SH3D19: variants seen among roughly 807,000 people sequenced by gnomAD.
SH3D19 encodes the protein SH3 domain-containing protein 19.
A neutral mutation model predicts 112.1 loss-of-function variants in SH3D19; 58 were observed. The observed-to-expected ratio is 0.52, with a 90% confidence interval of 0.42 to 0.64. SH3D19 has a LOEUF of 0.64. SH3D19 is among the 30% of genes least tolerant of loss of function. The probability of loss-of-function intolerance (pLI) is 0.00; values close to 1 mark genes in which losing one functional copy is unlikely to be tolerated. For synonymous variants in SH3D19, 391 were observed against 448.5 expected, an observed-to-expected ratio of 0.87 and a Z score of 1.62; for missense variants, 1,090 against 1,263.4, an observed-to-expected ratio of 0.86 and a Z score of 2.08.
chr4:151,161,644 T>TA (rs1554040948), intron 8 of SH3D19, among the ~76,000 whole-genome samples: 5,612 of 148,508 alleles, frequency 0.038, 129 homozygotes, highest in South Asian at 0.048. Flanking sequence ...ATATATATTT[T>TA]AATTATACTT....
chr4:151,127,793 C>T (rs967565848), intron 18 of SH3D19, 78 bp from the exon 19 acceptor site: 49 of 754,232 alleles, frequency 6.5e-5, no homozygotes, highest in Admixed American at 1.9e-4. Context: ...TAAAAAAAAA[C>T]GCTTATCGCT....
chr4:151,161,974 T>C (rs1035150333), intron 8 of SH3D19, among the ~76,000 whole-genome samples: 83 of 152,074 alleles, frequency 5.5e-4, no homozygotes, highest in African/African-American at 2.0e-3. Flanking sequence ...TGTATTCATT[T>C]TTTAAAAGAA....
At chr4:151,150,243 A>C in intron 9 of SH3D19, among the ~76,000 whole-genome samples, 1 of 51,902 alleles carries the variant, frequency 1.9e-5, no homozygotes, top group Non-Finnish European at 9.6e-5. Flanking sequence ...ACACACATAT[A>C]TATATATACA....
intron 1 of SH3D19, among the ~76,000 whole-genome samples, chr4:151,238,864 C>A (rs1770341418): frequency 6.6e-6 from 1 of 152,156 alleles, no homozygotes; most frequent in Non-Finnish European, 1.5e-5. Flanking sequence ...AACACAACGT[C>A]TGTTGCAAAT....
intron 9 of SH3D19, among the ~76,000 whole-genome samples, chr4:151,154,832 A>G (rs1220384987): frequency 6.6e-6 from 1 of 152,090 alleles, no homozygotes; most frequent in Non-Finnish European, 1.5e-5. Flanking sequence ...ATCTTGGCTC[A>G]CTGCAACCTC....
chr4:151,128,216 C>T lies in SH3D19; in HGVS notation c.2883G>A (p.Gln961=). 1.2e-6 allele frequency: 2 copies of T among 1,613,546 alleles called. No individual in the cohort carries two copies. Among genetic ancestry groups the T allele is most frequent in the Non-Finnish European group, 1.7e-6 (2 of 1,179,772 alleles). ...CTGCTGGGAAGATCCCCTCCCTGTC[C>T]TGCAGTCTGCCCCTGCACCAGTCAG... ...LDSDWCRGRL[Q]DREGIFPAVF... is the part of the protein sequence containing the mutation. The change falls in exon 18 of 20, where the codon CAG becomes CAA. Residue 961 remains glutamine, a synonymous_variant. Transcript: ENST00000604030.
intron 14 of SH3D19, among the ~76,000 whole-genome samples, chr4:151,135,653 T>C (rs1038740625): frequency 3.3e-5 from 5 of 152,152 alleles, no homozygotes; most frequent in African/African-American, 1.2e-4. Flanking sequence ...GGTCTTGAAC[T>C]CTTGGACTCA....
At chr4:151,309,826 C>T (rs1673791129) in intron 1 of SH3D19, among the ~76,000 whole-genome samples, 2 of 151,666 alleles carry the variant, frequency 1.3e-5, no homozygotes, top group Admixed American at 6.6e-5. Context: ...CCAGTCTCTA[C>T]AAAAAATTTA....
intron 2 of SH3D19, among the ~76,000 whole-genome samples, chr4:151,221,555 T>C (rs1292390427): frequency 2.0e-5 from 3 of 152,192 alleles, no homozygotes; most frequent in Admixed American, 1.3e-4. Context: ...GATCCAATAA[T>C]AGTCGTGGGC....
chr4:151,202,700 GACTT>G (rs1387173920), intron 2 of SH3D19, among the ~76,000 whole-genome samples: 1 of 152,190 alleles, frequency 6.6e-6, no homozygotes, highest in East Asian at 1.9e-4. Context: ...CAGACAGACA[GACTT>G]CTTTTTAACA....
chr4:151,250,611 C>T (rs1458823868), intron 1 of SH3D19, among the ~76,000 whole-genome samples: 1 of 152,146 alleles, frequency 6.6e-6, no homozygotes, highest in Non-Finnish European at 1.5e-5. Context: ...TTACCTTATA[C>T]ATTTCTCTGG....
intron 1 of SH3D19, among the ~76,000 whole-genome samples, chr4:151,317,014 C>T (rs1215294094): frequency 6.6e-6 from 1 of 152,214 alleles, no homozygotes; most frequent in East Asian, 1.9e-4. Flanking sequence ...CCCATGTCTT[C>T]CACTGATGAA....
chr4:151,180,830 C>G (rs1222827558), intron 3 of SH3D19, among the ~76,000 whole-genome samples: 1 of 151,620 alleles, frequency 6.6e-6, no homozygotes, highest in Non-Finnish European at 1.5e-5. Flanking sequence ...GTGGCGCCAT[C>G]TCGGCTCACT....
At chr4:151,295,344 G>A (rs1215718529) in intron 1 of SH3D19, among the ~76,000 whole-genome samples, 1 of 152,176 alleles carries the variant, frequency 6.6e-6, no homozygotes, top group Non-Finnish European at 1.5e-5. Flanking sequence ...AGACACCAAG[G>A]CACTGAAGTA....
rs767195509 is a variant in SH3D19, at chr4:151,127,635, C to T, written c.3010G>A (p.Asp1004Asn). The T allele has an allele frequency of 6.2e-7, 1 of 1,600,866 alleles. No homozygotes were observed. Among genetic ancestry groups the T allele is most frequent in the Non-Finnish European group, 8.5e-7 (1 of 1,175,178 alleles). Reference sequence around the variant, plus strand: ...ATTCTGACCTTGAAGGAAAGTTCATCTTCATTCTCCCCTCGGAAATCATAT... The same window carrying T: ...ATTCTGACCTTGAAGGAAAGTTCATTTTCATTCTCCCCTCGGAAATCATAT... The part of the protein sequence containing the change: ...ALYDFRGENE[D>N]ELSFKAGDII... The change falls in exon 19 of 20, where the codon GAT (aspartate) becomes AAT (asparagine). Residue 1004 changes from aspartate to asparagine, a missense_variant. Coordinates refer to ENST00000604030, the MANE Select transcript of SH3D19 (RefSeq NM_001378122.1).
intron 1 of SH3D19, among the ~76,000 whole-genome samples, chr4:151,264,691 T>C (rs751278666): frequency 1.3e-5 from 2 of 152,124 alleles, no homozygotes; most frequent in Non-Finnish European, 2.9e-5. Context: ...TTAATGAAGG[T>C]GTTTACTAGA....
chr4:151,264,473 A>ATTATTTC (rs1687786480), intron 1 of SH3D19, among the ~76,000 whole-genome samples: 1 of 150,996 alleles, frequency 6.6e-6, no homozygotes, highest in Non-Finnish European at 1.5e-5. Context: ...CTAACATCTC[A>ATTATTTC]TTATTTCTTA....
Position 151,187,407 on chromosome 4 carries a change from G to T in SH3D19, c.193+16C>A. ...TATTACAGAGGAAAATACAGAGAAG[G>T]AAAAAACAAACTTACATCTCTTGAT... On this transcript the variant is annotated intron_variant, in intron 3 of 19. Transcript: ENST00000604030. 2 of 1,215,802 alleles carry T rather than the reference G, an allele frequency of 1.6e-6. No individual in the cohort carries two copies. Among genetic ancestry groups the T allele is most frequent in the Non-Finnish European group, 2.1e-6 (2 of 972,906 alleles). The allele number at this position is 1,215,802 out of a possible 1,614,324, so 75.3% of individuals were successfully genotyped here.
intron 2 of SH3D19, among the ~76,000 whole-genome samples, chr4:151,200,534 TCA>T (rs928151196): frequency 6.6e-6 from 1 of 152,208 alleles, no homozygotes; most frequent in Non-Finnish European, 1.5e-5. Context: ...TCCCAATCTA[TCA>T]CCAGTGGTAT....
Sources: gnomAD v4.1 joint callset for allele counts (sites outside exome capture counted in the v4.1 genomes callset) on GRCh38, gnomAD v4.1.1 for gene constraint, MANE v1.5 for transcripts, NCBI Gene and HGNC (gene_info 2026-07-23, HGNC 2026-07-21) for gene names.